SLC4A4: variants seen among roughly 807,000 people sequenced by gnomAD.
SLC4A4 encodes electrogenic sodium bicarbonate cotransporter 1.
A neutral mutation model predicts 111.5 loss-of-function variants in SLC4A4; 27 were observed. That is an observed-to-expected ratio of 0.24 (90% CI 0.18 to 0.33). The LOEUF (loss-of-function observed/expected upper bound fraction) is 0.33. Ranked by LOEUF, SLC4A4 falls within the 10% of genes least tolerant of loss-of-function variation. The pLI is 1.00. For synonymous variants in SLC4A4, 443 were observed against 463.4 expected (o/e 0.96, Z 0.57); for missense variants, 909 against 1,315.5 (o/e 0.69, Z 4.78).
At chr4:71,465,739 G>A (rs897674325) in intron 12 of SLC4A4, among the ~76,000 whole-genome samples, 1 of 151,894 alleles carries the variant, frequency 6.6e-6, no homozygotes, top group Non-Finnish European at 1.5e-5. Context: ...AAAATGATGG[G>A]TTGATTTCCA....
chr4:71,564,129 C>A (rs1348810650), intron 24 of SLC4A4, among the ~76,000 whole-genome samples: 2 of 151,564 alleles, frequency 1.3e-5, no homozygotes, highest in Non-Finnish European at 2.9e-5. Context: ...CAAATCATCC[C>A]CAGTTTTTCC....
intron 2 of SLC4A4, among the ~76,000 whole-genome samples, chr4:71,243,288 C>T (rs1578660809): frequency 1.3e-5 from 2 of 152,108 alleles, no homozygotes; most frequent in East Asian, 3.9e-4. Flanking sequence ...CTTCTGCTTC[C>T]TACTGGCCAT....
At chr4:71,406,644 T>G (rs1720876225) in intron 7 of SLC4A4, among the ~76,000 whole-genome samples, 1 of 79,124 alleles carries the variant, frequency 1.3e-5, no homozygotes. Flanking sequence ...AAACAATGAT[T>G]CTTTTTTTTT....
chr4:71,211,314 G>C (rs1718118025), intron 1 of SLC4A4, among the ~76,000 whole-genome samples: 1 of 152,040 alleles, frequency 6.6e-6, no homozygotes, highest in African/African-American at 2.4e-5. Context: ...TCTGTATTCT[G>C]TAAATTTAGG....
At chr4:71,197,597 A>G (rs1746064713) in intron 1 of SLC4A4, among the ~76,000 whole-genome samples, 1 of 152,174 alleles carries the variant, frequency 6.6e-6, no homozygotes, top group Non-Finnish European at 1.5e-5. Flanking sequence ...GCTTCCCCCA[A>G]TGAACACCAC....
intron 1 of SLC4A4, among the ~76,000 whole-genome samples, chr4:71,199,994 G>A (rs1449506214): frequency 6.6e-6 from 1 of 152,178 alleles, no homozygotes; most frequent in Non-Finnish European, 1.5e-5. Context: ...GAAAAAGCAG[G>A]TTAGAGCATG....
At chr4:71,452,707 A>C (rs1380941844) in intron 11 of SLC4A4, among the ~76,000 whole-genome samples, 1 of 152,140 alleles carries the variant, frequency 6.6e-6, no homozygotes, top group African/African-American at 2.4e-5. Flanking sequence ...CAAGTCACTC[A>C]ACTGACCTGC....
chr4:71,448,089 G>T (rs1725398446), intron 9 of SLC4A4, among the ~76,000 whole-genome samples: 1 of 152,094 alleles, frequency 6.6e-6, no homozygotes, highest in Non-Finnish European at 1.5e-5. Context: ...AGAGGTCGAG[G>T]TGGGCAGATC....
chr4:71,395,608 A>C (rs1719749651), intron 6 of SLC4A4, among the ~76,000 whole-genome samples: 1 of 152,246 alleles, frequency 6.6e-6, no homozygotes, highest in Non-Finnish European at 1.5e-5. Context: ...GATTACAATT[A>C]TAATGAAAAC....
At chr4:71,342,078 T>G (rs1728941840) in intron 4 of SLC4A4, among the ~76,000 whole-genome samples, 1 of 152,184 alleles carries the variant, frequency 6.6e-6, no homozygotes, top group South Asian at 2.1e-4. Flanking sequence ...TAATATTTTC[T>G]TCTTCTAATT....
chr4:71,473,312 G>T, intron 14 of SLC4A4: 1 of 573,006 alleles, frequency 1.7e-6, no homozygotes, highest in Non-Finnish European at 3.1e-6. Flanking sequence ...ATAAATATGT[G>T]ACAAACCTAT....
intron 1 of SLC4A4, among the ~76,000 whole-genome samples, chr4:71,189,073 G>C (rs1578567831): frequency 6.6e-6 from 1 of 152,146 alleles, no homozygotes; most frequent in Non-Finnish European, 1.5e-5. Flanking sequence ...ATGAGCTGTT[G>C]AGGCAGAGAA....
chr4:71,280,796 T>G lies in SLC4A4; in HGVS notation c.253+25397T>G, dbSNP rs189617767. 9.8e-3 allele frequency among the ~76,000 whole-genome samples: 1,488 copies of G among 152,310 alleles called. 21 individuals carry two copies. Among genetic ancestry groups the G allele is most frequent in the Non-Finnish European group, 0.015 (1,042 of 68,034 alleles). On this transcript the variant is annotated intron_variant, in intron 3 of 25. Coordinates refer to ENST00000264485, the MANE Select transcript of SLC4A4 (RefSeq NM_001098484.3). ...TATCTTTTAAAAGATTTTTTAGTTT[T>G]ACATTTAACTCTATAATCTCTTTCA...
chr4:71,265,322 A>C (rs142130896), intron 3 of SLC4A4, among the ~76,000 whole-genome samples: 2 of 152,266 alleles, frequency 1.3e-5, no homozygotes, highest in East Asian at 3.9e-4. Context: ...GAAATCAATC[A>C]GGGCAATGTA....
intron 8 of SLC4A4, among the ~76,000 whole-genome samples, chr4:71,443,055 CATCTT>C (rs1449215818): frequency 1.4e-5 from 2 of 140,214 alleles, no homozygotes; most frequent in East Asian, 4.2e-4. Flanking sequence ...TGCTTGCTGT[CATCTT>C]ATGTCTATCC....
chr4:71,446,464 C>G (rs1191244826), intron 8 of SLC4A4, among the ~76,000 whole-genome samples: 3 of 152,094 alleles, frequency 2.0e-5, no homozygotes, highest in African/African-American at 7.2e-5. Context: ...CTTGGTATAT[C>G]AGTTGGGCAG....
intron 1 of SLC4A4, among the ~76,000 whole-genome samples, chr4:71,072,015 C>T (rs999496652): frequency 2.6e-5 from 4 of 152,094 alleles, no homozygotes; most frequent in Non-Finnish European, 4.4e-5. Flanking sequence ...CAGCAAAGCA[C>T]GAATGTTTCT....
chr4:71,269,685 A>G (rs1166120884), intron 3 of SLC4A4, among the ~76,000 whole-genome samples: 1 of 152,204 alleles, frequency 6.6e-6, no homozygotes, highest in African/African-American at 2.4e-5. Flanking sequence ...CATGTCCATG[A>G]TTATGTTTAA....
chr4:71,502,532 T>C (rs1305254839), intron 16 of SLC4A4, among the ~76,000 whole-genome samples: 3 of 152,226 alleles, frequency 2.0e-5, no homozygotes, highest in Non-Finnish European at 2.9e-5. Flanking sequence ...ATTTCCATTC[T>C]CATTTGTCTC....
Sources: gnomAD v4.1 joint callset for allele counts (sites outside exome capture counted in the v4.1 genomes callset) on GRCh38, gnomAD v4.1.1 for gene constraint, MANE v1.5 for transcripts, NCBI Gene and HGNC (gene_info 2026-07-23, HGNC 2026-07-21) for gene names.